MTA3: variants seen among roughly 807,000 people sequenced by gnomAD.
The protein encoded by MTA3 is metastasis-associated protein MTA3.
MTA3 carries 34 observed loss-of-function variants against 83.5 expected under a neutral mutation model. That is an observed-to-expected ratio of 0.41 (90% CI 0.31 to 0.54). The LOEUF (loss-of-function observed/expected upper bound fraction) is 0.54, where lower values mean the gene tolerates loss of function less well. Among genes scored for constraint, MTA3 ranks in the 20% least tolerant of loss-of-function variants. The pLI is 0.33. For synonymous variants in MTA3, 303 were observed against 252.7 expected (o/e 1.20, Z -1.89); for missense variants, 761 against 726.4 (o/e 1.05, Z -0.55).
chr2:42,616,572 C>CTTTTTTTTTTT lies in MTA3; in HGVS notation c.317+7002_317+7012dup, dbSNP rs70963338. The stretch of plus-strand genomic sequence containing the variant: ...ATTTGATTAATCTCTTCTTCTTCTT[C>CTTTTTTTTTTT]TTTTTTTTTTTTTTTTTTTTTTTTG... On this transcript the variant is annotated intron_variant, in intron 4 of 16. Coordinates refer to ENST00000405094, the MANE Select transcript of MTA3 (RefSeq NM_001330442.2). 7.1e-4 allele frequency among the ~76,000 whole-genome samples: 40 copies of CTTTTTTTTTTT among 56,218 alleles called. 1 individual carries two copies. Among genetic ancestry groups the CTTTTTTTTTTT allele is most frequent in the Admixed American group, 1.9e-3 (6 of 3,106 alleles). The allele number at this position is 56,218 out of a possible 152,430, so 36.9% of individuals were successfully genotyped here. A position where few individuals can be genotyped will look rare whatever the true frequency, so the allele number is the denominator to read the frequency against.
chr2:42,622,796 T>C (rs1685708670), intron 4 of MTA3, among the ~76,000 whole-genome samples: 1 of 152,096 alleles, frequency 6.6e-6, no homozygotes, highest in South Asian at 2.1e-4. Context: ...CTGGCCTCCA[T>C]GTAAGAGAAT....
At position 42,704,222 on chromosome 2, in the gene MTA3, A is replaced by C; in HGVS notation, c.1054A>C (p.Thr352Pro). The C allele has an allele frequency of 6.2e-7, 1 of 1,613,890 alleles. No individual in the cohort carries two copies. The highest frequency in any genetic ancestry group is 8.5e-7 in the Non-Finnish European group (1 of 1,179,836). ...YSKPNPNQIS[T>P]SNGKPGAVNG... ...CAAACCAAATCCCAACCAAATATCC[A>C]CTAGTAATGGGAAGCCTGGTGCTGT... Residue 352 changes from threonine (T) to proline (P), a missense_variant, in exon 12 of 17, where the codon ACT becomes CCT. Transcript: ENST00000405094.
intron 4 of MTA3, among the ~76,000 whole-genome samples, chr2:42,612,518 A>G (rs1298850185): frequency 6.6e-6 from 1 of 152,042 alleles, no homozygotes; most frequent in African/African-American, 2.4e-5. Context: ...CATGGCCTCC[A>G]TTTATTTAAT....
At chr2:42,582,970 A>G (rs1472539827) in intron 3 of MTA3, among the ~76,000 whole-genome samples, 2 of 152,102 alleles carry the variant, frequency 1.3e-5, no homozygotes, top group East Asian at 1.9e-4. Context: ...ACTGCTTGAC[A>G]TAGGAAAATT....
Position 42,535,746 on chromosome 2 carries a change from C to G in MTA3, c.-140-34691C>G, listed in dbSNP as rs1056203471. 3.3e-5 allele frequency among the ~76,000 whole-genome samples: 5 copies of G among 150,522 alleles called. No individual in the cohort carries two copies. In the Admixed American group the frequency reaches 3.3e-4, roughly 10 times the overall value. The stretch of plus-strand genomic sequence containing the variant: ...AGTAAGCAACACATGCATAATAACC[C>G]TTGGGTAAGTGTTGACCTGTCACTC... On this transcript the variant is annotated intron_variant, in intron 2 of 17. Coordinates refer to the MTA3 transcript ENST00000405592.
chr2:42,507,486 G>T (rs188428008), intron 2 of MTA3, among the ~76,000 whole-genome samples: 1 of 152,108 alleles, frequency 6.6e-6, no homozygotes, highest in Admixed American at 6.6e-5. Flanking sequence ...TTCTGAAAAA[G>T]ATACATAAAA....
intron 4 of MTA3, among the ~76,000 whole-genome samples, chr2:42,623,393 C>G (rs564142416): frequency 6.6e-6 from 1 of 152,284 alleles, no homozygotes; most frequent in African/African-American, 2.4e-5. Context: ...GTCCAGCCTT[C>G]CCCTCCTGGA....
chr2:42,524,771 C>T (rs767669722), intron 2 of MTA3, among the ~76,000 whole-genome samples: 1 of 150,974 alleles, frequency 6.6e-6, no homozygotes, highest in Non-Finnish European at 1.5e-5. Flanking sequence ...AACACTAGGG[C>T]CCTAAAACTT....
At chr2:42,520,312 A>G (rs569649685) in intron 2 of MTA3, among the ~76,000 whole-genome samples, 1 of 152,222 alleles carries the variant, frequency 6.6e-6, no homozygotes, top group South Asian at 2.1e-4. Flanking sequence ...CTCCACCTGA[A>G]CATTCCACAG....
intron 8 of MTA3, among the ~76,000 whole-genome samples, chr2:42,673,860 C>A (rs949137050): frequency 6.6e-6 from 1 of 152,180 alleles, no homozygotes; most frequent in African/African-American, 2.4e-5. Flanking sequence ...CGAAAAAGAT[C>A]AGCAGCTGAG....
chr2:42,712,840 A>G (rs957260613), intron 14 of MTA3: 4 of 152,062 alleles, frequency 2.6e-5, no homozygotes, highest in African/African-American at 7.2e-5. Context: ...GAAGTGTTCC[A>G]TATTTTATTA....
chr2:42,701,769 AGCTG>A (rs1665582032), intron 11 of MTA3, among the ~76,000 whole-genome samples: 1 of 150,906 alleles, frequency 6.6e-6, no homozygotes. Context: ...TACAAAAATT[AGCTG>A]GGTATGGTGG....
chr2:42,534,571 T>G (rs1479060424), intron 2 of MTA3, among the ~76,000 whole-genome samples: 1 of 151,520 alleles, frequency 6.6e-6, no homozygotes, highest in African/African-American at 2.4e-5. Context: ...CACTCCAGCC[T>G]GGGCGATGAG....
intron 2 of MTA3, among the ~76,000 whole-genome samples, chr2:42,525,603 T>TTTCCTTCC (rs59291067): frequency 0.027 from 2,571 of 95,470 alleles, 103 homozygotes; most frequent in African/African-American, 0.085. Flanking sequence ...CCTTCCTTCC[T>TTTCCTTCC]TTCCTTCCTT....
chr2:42,728,160 A>T (rs562255897), intron 16 of MTA3, among the ~76,000 whole-genome samples: 5 of 152,214 alleles, frequency 3.3e-5, no homozygotes, highest in Admixed American at 1.3e-4. Context: ...CAATTTTTTT[A>T]AATTTTTAGT....
At chr2:42,644,088 G>A in intron 5 of MTA3, 39 bp from the exon 6 acceptor site, 5 of 1,214,506 alleles carry the variant, frequency 4.1e-6, no homozygotes, top group South Asian at 1.4e-5. Flanking sequence ...AGAAGTAGAA[G>A]GAATTAAGTA....
At position 42,651,263 on chromosome 2, in the gene MTA3, C is replaced by T. The variant is rs149393974; in HGVS notation, c.500-4937C>T. Among the ~76,000 whole-genome samples the T allele has an allele frequency of 4.4e-3, 667 of 152,214 alleles. 8 individuals carry two copies. Among genetic ancestry groups the T allele is most frequent in the African/African-American group, 0.015 (635 of 41,524 alleles). On this transcript the variant is annotated intron_variant, in intron 6 of 16. Coordinates refer to ENST00000405094, the MANE Select transcript of MTA3 (RefSeq NM_001330442.2). ...TGGGTGAGTCAGTGAGTGAGTGGTA[C>T]GTGGATGTGAAGGACTAGGACATTA...
intron 2 of MTA3, among the ~76,000 whole-genome samples, chr2:42,524,957 C>CTTT (rs540854902): frequency 1.4e-5 from 2 of 141,038 alleles, no homozygotes; most frequent in Admixed American, 1.4e-4. Context: ...CTGTGGGTCT[C>CTTT]TTTTTTTTTT....
intron 16 of MTA3, among the ~76,000 whole-genome samples, chr2:42,752,810 A>G (rs569959665): frequency 1.8e-4 from 27 of 152,314 alleles, no homozygotes; most frequent in African/African-American, 6.5e-4. Context: ...AGTGACCACT[A>G]AACCCGCCTA....
Sources: gnomAD v4.1 joint callset for allele counts (sites outside exome capture counted in the v4.1 genomes callset) on GRCh38, gnomAD v4.1.1 for gene constraint, MANE v1.5 for transcripts, NCBI Gene and HGNC (gene_info 2026-07-23, HGNC 2026-07-21) for gene names.